Variants in CACNA2D3 observed in about 807,000 individuals in gnomAD.
CACNA2D3 encodes calcium voltage-gated channel auxiliary subunit alpha2delta 3.
In CACNA2D3, 60 loss-of-function variants were observed where a neutral mutation model predicts 160.6. The ratio of observed to expected loss-of-function variants is 0.37; its 90% CI spans 0.30 to 0.46. CACNA2D3 has a LOEUF of 0.46. Ranked by LOEUF, CACNA2D3 falls within the 20% of genes least tolerant of loss-of-function variation. The pLI, the probability that CACNA2D3 is intolerant of heterozygous loss-of-function variation, is 1.00. For synonymous variants in CACNA2D3, 558 were observed against 492.9 expected, an observed-to-expected ratio of 1.13 and a Z score of -1.75; for missense variants, 1,205 against 1,365.0, an observed-to-expected ratio of 0.88 and a Z score of 1.85.
chr3:54,406,585 T>G (rs1699580843), intron 4 of CACNA2D3, among the ~76,000 whole-genome samples: 1 of 151,680 alleles, frequency 6.6e-6, no homozygotes, highest in Admixed American at 6.6e-5. Context: ...ATGATCTCAC[T>G]TATGTGTGGA....
In CACNA2D3 at chr3:54,740,162, G is replaced by A. The variant is rs182812566; in HGVS notation, c.1168-12437G>A. On this transcript the variant is annotated intron_variant, in intron 11 of 37. Transcript: ENST00000474759. ...GCCACAGAACACGTAGTCTCCGATG[G>A]GGTATTTGAGCCCTCTGCTTGAGCC... Among the ~76,000 whole-genome samples, 657 of 152,166 alleles carry A rather than the reference G, an allele frequency of 4.3e-3. 15 individuals are homozygous for A. The highest frequency in any genetic ancestry group is 0.038 in the Admixed American group (579 of 15,270).
intron 2 of CACNA2D3, among the ~76,000 whole-genome samples, chr3:54,202,723 T>G (rs1701201230): frequency 6.6e-6 from 1 of 152,214 alleles, no homozygotes; most frequent in Non-Finnish European, 1.5e-5. Flanking sequence ...CCCAGGAAAC[T>G]GGGGATAATA....
At chr3:54,722,078 GTCCCAT>G (rs1343659185) in intron 11 of CACNA2D3, among the ~76,000 whole-genome samples, 2 of 152,084 alleles carry the variant, frequency 1.3e-5, no homozygotes, top group Non-Finnish European at 2.9e-5. Flanking sequence ...TTTTCACATA[GTCCCAT>G]ATTTCTTGGA....
chr3:54,688,557 CA>C (rs555492581), intron 11 of CACNA2D3, among the ~76,000 whole-genome samples: 1 of 151,580 alleles, frequency 6.6e-6, no homozygotes, highest in Non-Finnish European at 1.5e-5. Context: ...TTTACTTCTC[CA>C]AAACTCAATA....
chr3:54,798,182 A>T (rs761394639), intron 13 of CACNA2D3, among the ~76,000 whole-genome samples: 32 of 152,244 alleles, frequency 2.1e-4, no homozygotes, highest in Non-Finnish European at 3.1e-4. Context: ...CATTATGGCT[A>T]CCAAGAATGT....
At chr3:54,915,068 A>G (rs1466590504) in intron 27 of CACNA2D3, among the ~76,000 whole-genome samples, 1 of 152,216 alleles carries the variant, frequency 6.6e-6, no homozygotes, top group Non-Finnish European at 1.5e-5. Flanking sequence ...GACCTTCAGG[A>G]AGAAATCTGT....
intron 2 of CACNA2D3, among the ~76,000 whole-genome samples, chr3:54,153,162 C>T (rs978487916): frequency 2.6e-5 from 4 of 152,022 alleles, no homozygotes; most frequent in Non-Finnish European, 5.9e-5. Context: ...TGACCTTGGG[C>T]GGGTATAAGT....
intron 13 of CACNA2D3, among the ~76,000 whole-genome samples, chr3:54,810,872 C>T (rs1020911041): frequency 6.6e-6 from 1 of 152,196 alleles, no homozygotes; most frequent in Non-Finnish European, 1.5e-5. Context: ...AAAAACATGT[C>T]CCTCTGCTCG....
Position 54,460,681 on chromosome 3 carries a change from G to A in CACNA2D3, c.382-42811G>A, listed in dbSNP as rs895715592. ...CAGCTTAAGGAGATTTTGGGCTGAGGCAATGGGGTTTTCTAGATATACAAT... is the reference window on the plus strand; with the variant it reads ...CAGCTTAAGGAGATTTTGGGCTGAGACAATGGGGTTTTCTAGATATACAAT... On this transcript the variant is annotated intron_variant, in intron 4 of 37. Transcript: ENST00000474759. Among the ~76,000 whole-genome samples the A allele has an allele frequency of 3.2e-3, 492 of 152,042 alleles. 4 individuals carry two copies. The highest frequency in any genetic ancestry group is 0.01 in the African/African-American group (416 of 41,454).
intron 2 of CACNA2D3, among the ~76,000 whole-genome samples, chr3:54,308,093 A>T (rs747995199): frequency 6.6e-6 from 1 of 152,188 alleles, no homozygotes; most frequent in African/African-American, 2.4e-5. Context: ...TCAACTATCC[A>T]TCTTGCAGAT....
intron 2 of CACNA2D3, among the ~76,000 whole-genome samples, chr3:54,293,315 A>G (rs1470021915): frequency 6.6e-6 from 1 of 152,110 alleles, no homozygotes; most frequent in Admixed American, 6.5e-5. Context: ...AGCAGTATAC[A>G]CGGTACCCGA....
intron 3 of CACNA2D3, among the ~76,000 whole-genome samples, chr3:54,368,693 CT>C (rs33976949): frequency 4.8e-3 from 342 of 71,500 alleles, no homozygotes; most frequent in African/African-American, 0.012. Context: ...GGGTAGGGTT[CT>C]TTTTTTTTTT....
chr3:54,681,285 C>T (rs191846288), intron 11 of CACNA2D3, among the ~76,000 whole-genome samples: 6 of 149,670 alleles, frequency 4.0e-5, no homozygotes, highest in African/African-American at 1.2e-4. Context: ...ACCTGTAATC[C>T]CAGCACTTTG....
chr3:54,461,633 C>T lies in CACNA2D3; in HGVS notation c.382-41859C>T, dbSNP rs1317600809. Among the ~76,000 whole-genome samples the T allele has an allele frequency of 3.3e-5, 5 of 151,648 alleles. No homozygotes were observed. In the South Asian group the frequency reaches 8.3e-4, roughly 25 times the overall value. On this transcript the variant is annotated intron_variant, in intron 4 of 37. Transcript: ENST00000474759. ...GAATCGGTGGTGATATCCCCTTTAT[C>T]GTTTTTTATTGCATCTATTTGATTC...
At chr3:55,031,188 T>C (rs1703681712) in intron 35 of CACNA2D3, among the ~76,000 whole-genome samples, 1 of 152,228 alleles carries the variant, frequency 6.6e-6, no homozygotes, top group Non-Finnish European at 1.5e-5. Flanking sequence ...GTTGCATTTC[T>C]GCGGTGCATT....
At position 54,403,865 on chromosome 3, in the gene CACNA2D3, A is replaced by G. The variant is rs895284034; in HGVS notation, c.381+17091A>G. Among the ~76,000 whole-genome samples, 22 of 152,304 alleles carry G rather than the reference A, an allele frequency of 1.4e-4. 1 individual carries two copies. The highest frequency in any genetic ancestry group is 8.3e-4 in the South Asian group (4 of 4,828). On this transcript the variant is annotated intron_variant, in intron 4 of 37. Transcript: ENST00000474759. ...ATAAGTAACTATTAAGAACAATTAT[A>G]TGCCAAGAAATTTTGATAACCTAGA... is the stretch of plus-strand genomic sequence containing the variant.
chr3:54,828,847 G>A (rs1703802545), intron 14 of CACNA2D3, among the ~76,000 whole-genome samples: 1 of 152,230 alleles, frequency 6.6e-6, no homozygotes, highest in South Asian at 2.1e-4. Context: ...TCAGTAAGAA[G>A]AGGGAAAATG....
At chr3:54,733,278 G>T (rs140417603) in intron 11 of CACNA2D3, among the ~76,000 whole-genome samples, 11 of 152,260 alleles carry the variant, frequency 7.2e-5, no homozygotes, top group African/African-American at 1.9e-4. Context: ...AGTTACCCAC[G>T]TCACTTGGCA....
chr3:54,733,609 G>T (rs914264506), intron 11 of CACNA2D3, among the ~76,000 whole-genome samples: 1 of 152,180 alleles, frequency 6.6e-6, no homozygotes, highest in Non-Finnish European at 1.5e-5. Flanking sequence ...TTTACAGAGA[G>T]AAATCAGGTA....
Sources: allele counts gnomAD v4.1 joint callset (sites outside exome capture counted in the v4.1 genomes callset), GRCh38; gene constraint gnomAD v4.1.1; transcripts MANE v1.5; gene names NCBI Gene and HGNC (gene_info 2026-07-23, HGNC 2026-07-21).